SMYD3: variants seen among roughly 807,000 people sequenced by gnomAD.
SMYD3 encodes the protein SET and MYND domain containing 3.
A neutral mutation model predicts 57.7 loss-of-function variants in SMYD3; 36 were observed. The ratio of observed to expected loss-of-function variants is 0.62; its 90% CI spans 0.48 to 0.82. The LOEUF (loss-of-function observed/expected upper bound fraction) is 0.82. Ranked by LOEUF, SMYD3 falls within the 40% of genes least tolerant of loss-of-function variation. The probability of loss-of-function intolerance (pLI) is 0.00; values close to 1 mark genes in which losing one functional copy is unlikely to be tolerated. For missense variants in SMYD3, 515 were observed against 538.8 expected (o/e 0.96, Z 0.44); for synonymous variants, 211 against 195.0 (o/e 1.08, Z -0.68).
At chr1:246,231,975 A>G (rs2063414341) in intron 5 of SMYD3, among the ~76,000 whole-genome samples, 1 of 152,210 alleles carries the variant, frequency 6.6e-6, no homozygotes, top group Non-Finnish European at 1.5e-5. Flanking sequence ...TGCTATGGCA[A>G]CAGTTATAAC....
chr1:246,017,448 G>A (rs550754795), intron 5 of SMYD3, among the ~76,000 whole-genome samples: 83 of 152,210 alleles, frequency 5.5e-4, no homozygotes, highest in African/African-American at 2.0e-3. Flanking sequence ...CTGTTTGCTT[G>A]ACTTTCATGA....
intron 5 of SMYD3, among the ~76,000 whole-genome samples, chr1:246,197,067 C>T (rs1038267004): frequency 1.3e-5 from 2 of 151,394 alleles, no homozygotes; most frequent in East Asian, 1.9e-4. Flanking sequence ...AAGTTCCCTG[C>T]GGCCAAAAGT....
chr1:245,759,165 A>C (rs2791374), intron 11 of SMYD3, among the ~76,000 whole-genome samples: 75,402 of 152,038 alleles, frequency 0.5, 20,895 homozygotes, highest in African/African-American at 0.74. Flanking sequence ...TTGGTTCAAA[A>C]ACACACTCTT....
At chr1:246,344,294 C>G (rs568487067) in intron 2 of SMYD3, among the ~76,000 whole-genome samples, 2 of 152,184 alleles carry the variant, frequency 1.3e-5, no homozygotes, top group Admixed American at 1.3e-4. Flanking sequence ...TCCTCCATCC[C>G]AGGCAACTCA....
In SMYD3 at chr1:246,335,219, A is replaced by G. The variant is rs1572393711; in HGVS notation, c.336+148T>C. On this transcript the variant is annotated intron_variant, in intron 3 of 11. Transcript: ENST00000490107. ...TTTTATATTTACTGGGAAGCCAAAAAATTTGTGAGACTCATTTTATTGCAA... is the reference window on the plus strand; with the variant it reads ...TTTTATATTTACTGGGAAGCCAAAAGATTTGTGAGACTCATTTTATTGCAA... The G allele has an allele frequency of 1.0e-5, 7 of 693,704 alleles. No homozygotes were observed. The East Asian group carries it at 1.6e-4, about 16-fold the overall frequency. The allele number at this position is 693,704 out of a possible 1,614,324, so 43.0% of individuals were successfully genotyped here.
At chr1:246,188,016 G>T (rs1027262788) in intron 5 of SMYD3, among the ~76,000 whole-genome samples, 4 of 151,828 alleles carry the variant, frequency 2.6e-5, no homozygotes, top group African/African-American at 9.7e-5. Context: ...TGTAAAGCTC[G>T]AACTTGTTTT....
intron 5 of SMYD3, among the ~76,000 whole-genome samples, chr1:245,942,154 A>G (rs1003012025): frequency 1.3e-5 from 2 of 152,216 alleles, no homozygotes; most frequent in Non-Finnish European, 2.9e-5. Context: ...TAAATGGGCT[A>G]AATGCCCCAA....
chr1:246,078,950 G>T (rs1471375605), intron 5 of SMYD3, among the ~76,000 whole-genome samples: 1 of 152,014 alleles, frequency 6.6e-6, no homozygotes, highest in Non-Finnish European at 1.5e-5. Flanking sequence ...TTTTATGGAG[G>T]TTATAGTTTA....
At chr1:246,269,124 A>G (rs997251890) in intron 5 of SMYD3, among the ~76,000 whole-genome samples, 2 of 152,160 alleles carry the variant, frequency 1.3e-5, no homozygotes, top group Non-Finnish European at 2.9e-5. Flanking sequence ...CATACCATCT[A>G]AAATGTATGC....
intron 5 of SMYD3, among the ~76,000 whole-genome samples, chr1:246,199,945 G>C (rs1024304682): frequency 6.6e-6 from 1 of 152,188 alleles, no homozygotes; most frequent in Admixed American, 6.5e-5. Flanking sequence ...CACTGTAATA[G>C]AGAAGATAGA....
At chr1:245,922,021 T>G (rs2056002275) in intron 7 of SMYD3, among the ~76,000 whole-genome samples, 1 of 152,194 alleles carries the variant, frequency 6.6e-6, no homozygotes, top group African/African-American at 2.4e-5. Flanking sequence ...CACAATTAGG[T>G]TACTAAATAT....
At chr1:245,784,678 T>C (rs1182373384) in intron 10 of SMYD3, among the ~76,000 whole-genome samples, 1 of 152,074 alleles carries the variant, frequency 6.6e-6, no homozygotes, top group Non-Finnish European at 1.5e-5. Flanking sequence ...GTCACAAGAA[T>C]GACCTTTCTG....
At chr1:246,241,819 G>A (rs1251842134) in intron 5 of SMYD3, among the ~76,000 whole-genome samples, 5 of 152,058 alleles carry the variant, frequency 3.3e-5, no homozygotes, top group African/African-American at 1.2e-4. Flanking sequence ...GTTTAGTCTT[G>A]GGAGAGTGTA....
intron 5 of SMYD3, among the ~76,000 whole-genome samples, chr1:246,116,829 G>C (rs1386501116): frequency 2.0e-5 from 3 of 152,106 alleles, no homozygotes; most frequent in Non-Finnish European, 4.4e-5. Flanking sequence ...CTTAAACCTT[G>C]TTCCTTTCAA....
At chr1:246,045,417 C>T (rs1188600729) in intron 5 of SMYD3, among the ~76,000 whole-genome samples, 2 of 152,214 alleles carry the variant, frequency 1.3e-5, no homozygotes, top group African/African-American at 2.4e-5. Flanking sequence ...GCTGGGAAAA[C>T]TGGCTAGCCA....
intron 5 of SMYD3, among the ~76,000 whole-genome samples, chr1:246,218,254 A>C (rs2063196693): frequency 1.3e-5 from 2 of 151,322 alleles, no homozygotes; most frequent in Non-Finnish European, 2.9e-5. Context: ...TGAAAGGAAC[A>C]TAAGATTCAA....
intron 1 of SMYD3, among the ~76,000 whole-genome samples, chr1:246,391,442 A>AAAAGGAGAGGG (rs759914312): frequency 0.033 from 4,441 of 136,608 alleles, 150 homozygotes; most frequent in East Asian, 0.19. Flanking sequence ...GAGAGAGAGA[A>AAAAGGAGAGGG]GGAGAGAGGG....
At chr1:246,099,958 T>TA (rs1449808153) in intron 5 of SMYD3, among the ~76,000 whole-genome samples, 2 of 152,242 alleles carry the variant, frequency 1.3e-5, no homozygotes, top group African/African-American at 4.8e-5. Flanking sequence ...GTGGGCGATT[T>TA]AAAATCATAA....
chr1:246,141,671 C>A (rs1400441611), intron 5 of SMYD3, among the ~76,000 whole-genome samples: 2 of 152,044 alleles, frequency 1.3e-5, no homozygotes, highest in African/African-American at 4.8e-5. Flanking sequence ...GACTAACATG[C>A]CAACGTAAAC....
Sources: gnomAD v4.1 joint callset for allele counts (sites outside exome capture counted in the v4.1 genomes callset) on GRCh38, gnomAD v4.1.1 for gene constraint, MANE v1.5 for transcripts, NCBI Gene and HGNC (gene_info 2026-07-23, HGNC 2026-07-21) for gene names.